F8: variants seen among roughly 807,000 people sequenced by gnomAD.
F8 encodes coagulation factor VIII.
A neutral mutation model predicts 140.6 loss-of-function variants in F8; 12 were observed. The ratio of observed to expected loss-of-function variants is 0.09; its 90% CI spans 0.05 to 0.14. The LOEUF (loss-of-function observed/expected upper bound fraction) is 0.14, where lower values mean the gene tolerates loss of function less well. F8 is among the 10% of genes least tolerant of loss of function. The pLI is 1.00. For synonymous variants in F8, 585 were observed against 614.6 expected, an observed-to-expected ratio of 0.95 and a Z score of 0.71; for missense variants, 1,354 against 1,720.7, an observed-to-expected ratio of 0.79 and a Z score of 3.77.
At chrX:154,995,756 T>C (rs1402526233) in intron 3 of F8, among the ~76,000 whole-genome samples, 3 of 112,701 alleles carry the variant, frequency 2.7e-5, no homozygotes, top group African/African-American at 9.7e-5. Context: ...AATATAAGCA[T>C]TTCAACTTGT....
intron 22 of F8, among the ~76,000 whole-genome samples, chrX:154,879,147 A>C (rs2148575987): frequency 8.9e-6 from 1 of 112,031 alleles, no homozygotes; most frequent in South Asian, 3.7e-4. Flanking sequence ...AGCCAATCTT[A>C]AAATTCATGT....
Position 154,929,893 on chromosome X carries a change from C to T in F8, c.3897G>A (p.Leu1299=). The T allele has an allele frequency of 8.3e-7, 1 of 1,211,204 alleles. No homozygotes were observed. Among genetic ancestry groups the T allele is most frequent in the South Asian group, 1.8e-5 (1 of 56,961 alleles). Residue 1299 remains leucine (L), a synonymous_variant, in exon 14 of 26, where the codon TTG becomes TTA. Transcript: ENST00000360256. ...KKGEEENLEG[L]GNQTKQIVEK... is the part of the protein sequence containing the mutation. ...CTACAATTTGCTTGGTTTGATTTCC[C>T]AAGCCTTCCAAGTTTTCTTCCTCCC...
rs782483890 is a variant in F8 at position 154,982,340 on chromosome X, G to A, written c.787+2347C>T. Among the ~76,000 whole-genome samples, 7 of 104,739 alleles carry A rather than the reference G, an allele frequency of 6.7e-5. No individual in the cohort carries two copies. In the South Asian group the frequency reaches 2.2e-3, roughly 33 times the overall value. 91.0% of individuals were successfully genotyped at this position (104,739 alleles called of 115,157 possible). On this transcript the variant is annotated intron_variant, in intron 6 of 25. Coordinates refer to ENST00000360256, the MANE Select transcript of F8 (RefSeq NM_000132.4). The stretch of plus-strand genomic sequence containing the variant: ...CGGGCGCCTGTAGTCCCAGCTACTC[G>A]GGAGGCTGAGGCAGGAGAATGGCGT...
At chrX:154,847,287 T>A (rs1460130106) in intron 25 of F8, among the ~76,000 whole-genome samples, 2 of 110,563 alleles carry the variant, frequency 1.8e-5, no homozygotes, top group African/African-American at 6.6e-5. Context: ...TCAAGGAGTA[T>A]CTTTGTGGCG....
chrX:154,940,390 C>G (rs189933605), intron 13 of F8, among the ~76,000 whole-genome samples: 5 of 111,596 alleles, frequency 4.5e-5, no homozygotes, highest in African/African-American at 1.6e-4. Flanking sequence ...GTAACCAATG[C>G]GATCAACTGG....
chrX:154,974,323 C>G (rs1360371492), intron 6 of F8, among the ~76,000 whole-genome samples: 1 of 111,870 alleles, frequency 8.9e-6, no homozygotes, highest in African/African-American at 3.3e-5. Context: ...TCCTTCTATA[C>G]TTTGTTGAGA....
Position 154,965,962 on chromosome X carries a change from C to A in F8, c.1443+8G>T. ...CTTACCTGACCTTAAATCTTTTCTT[C>A]AACTTACCAACAGTGTGTCTCCAAC... On this transcript the variant is annotated splice_region_variant and intron_variant, in intron 9 of 25. Coordinates refer to ENST00000360256, the MANE Select transcript of F8 (RefSeq NM_000132.4). The A allele has an allele frequency of 8.3e-7, 1 of 1,210,448 alleles. No individual in the cohort carries two copies.
rs782094926 is a variant in F8, at chrX:154,902,328, G to T, written c.5999-161C>A. Among the ~76,000 whole-genome samples, 6 of 111,969 alleles carry T rather than the reference G, an allele frequency of 5.4e-5. No homozygotes were observed. The South Asian group carries it at 2.3e-3, about 42-fold the overall frequency. On this transcript the variant is annotated intron_variant, in intron 18 of 25. Transcript: ENST00000360256. ...AAGTGCTTGCTACGTGACCCTTACA[G>T]TTGGGGGTTGTGGAGATTGAGTTCT... is the stretch of plus-strand genomic sequence containing the variant.
intron 24 of F8, 124 bp downstream of exon 24, chrX:154,861,594 T>C (rs1557272868): frequency 1.1e-6 from 1 of 895,960 alleles, no homozygotes; most frequent in East Asian, 3.1e-5. Context: ...CCAAACTTCC[T>C]TGACACACTT....
intron 22 of F8, among the ~76,000 whole-genome samples, chrX:154,870,952 T>C (rs2072769471): frequency 9.0e-6 from 1 of 111,682 alleles, no homozygotes; most frequent in Non-Finnish European, 1.9e-5. Context: ...TCACAATTGC[T>C]ACTAAGAAAA....
In F8 at chrX:154,904,278, G is replaced by T. The variant is rs2073025440; in HGVS notation, c.5815+18C>A. On this transcript the variant is annotated intron_variant, in intron 17 of 25. Transcript: ENST00000360256. ...TCTGCATTTCACAGTGATAATGTTTGGATGTGGAATATATTACCATGGAAG... is the reference window on the plus strand; with the variant it reads ...TCTGCATTTCACAGTGATAATGTTTTGATGTGGAATATATTACCATGGAAG... The T allele has an allele frequency of 1.2e-5, 14 of 1,168,526 alleles. No homozygotes were observed. Among genetic ancestry groups the T allele is most frequent in the Non-Finnish European group, 1.6e-5 (14 of 857,606 alleles).
intron 13 of F8, among the ~76,000 whole-genome samples, chrX:154,938,346 A>T (rs2073235336): frequency 8.9e-6 from 1 of 111,785 alleles, no homozygotes; most frequent in South Asian, 3.7e-4. Context: ...TGAGGAAATT[A>T]TTTTTTTCCA....
At chrX:154,899,387 A>G (rs953969933) in intron 21 of F8, among the ~76,000 whole-genome samples, 6 of 112,257 alleles carry the variant, frequency 5.3e-5, no homozygotes, top group African/African-American at 1.9e-4. Flanking sequence ...CTCATTGATC[A>G]TATGTTGAAA....
chrX:154,935,406 A>C (rs914210864), intron 13 of F8, among the ~76,000 whole-genome samples: 4 of 111,885 alleles, frequency 3.6e-5, no homozygotes, highest in African/African-American at 1.3e-4. Context: ...ATTTTCAACA[A>C]GGGTGTCAAG....
intron 20 of F8, among the ~76,000 whole-genome samples, chrX:154,900,448 G>T (rs1387113280): frequency 9.0e-6 from 1 of 111,200 alleles, no homozygotes; most frequent in Non-Finnish European, 1.9e-5. Flanking sequence ...TGGCCAGGCT[G>T]GTCTTGAACT....
chrX:154,843,631 T>C (rs1244756237), intron 25 of F8, among the ~76,000 whole-genome samples: 3 of 112,348 alleles, frequency 2.7e-5, no homozygotes, highest in Non-Finnish European at 5.6e-5. Context: ...CACCCACTTT[T>C]TGATGGGGTC....
chrX:154,888,408 C>CTTTTTTTTTTT (rs1557274896), intron 22 of F8, among the ~76,000 whole-genome samples: 2,009 of 51,690 alleles, frequency 0.039, 38 homozygotes, highest in East Asian at 0.14. Flanking sequence ...TTTTTTTTTC[C>CTTTTTTTTTTT]CCCCGAGATG....
intron 25 of F8, among the ~76,000 whole-genome samples, chrX:154,847,180 C>T (rs1162744396): frequency 3.6e-4 from 40 of 112,174 alleles, no homozygotes; most frequent in South Asian, 3.0e-3. Flanking sequence ...CTTCCCTTTG[C>T]GGGTAACCCG....
At chrX:154,948,034 T>A in intron 12 of F8, 127 bp from the exon 13 acceptor site, 2 of 573,259 alleles carry the variant, frequency 3.5e-6, no homozygotes, top group Non-Finnish European at 5.8e-6. Flanking sequence ...GGAAGAGATA[T>A]TATATCTTCC....
Sources: gnomAD v4.1 joint callset for allele counts (sites outside exome capture counted in the v4.1 genomes callset) on GRCh38, gnomAD v4.1.1 for gene constraint, MANE v1.5 for transcripts, NCBI Gene and HGNC (gene_info 2026-07-23, HGNC 2026-07-21) for gene names.